The following NBAS variants were observed in gnomAD, a reference collection of about 807,000 sequenced individuals.
NBAS encodes NAG/BC035112 fusion.
Under a neutral mutation model 302.5 loss-of-function variants are expected in NBAS, and 219 were observed. The observed-to-expected ratio is 0.72, with a 90% CI of 0.65 to 0.81. The LOEUF is 0.81. NBAS is among the 30% of genes least tolerant of loss of function. The probability of loss-of-function intolerance (pLI) is 0.00; values close to 1 mark genes in which losing one functional copy is unlikely to be tolerated. For synonymous variants in NBAS, 1,118 were observed against 1,021.6 expected, an observed-to-expected ratio of 1.09 and a Z score of -1.80; for missense variants, 2,932 against 2,841.6, an observed-to-expected ratio of 1.03 and a Z score of -0.72.
Position 15,182,700 on chromosome 2 carries a change from G to T in NBAS, c.6712-3584C>A, listed in dbSNP as rs578016063. ...CTTATTCTACCTATTCCCAAGTCTT[G>T]AGAGGGCTTTATATACTGCCATGGA... On this transcript the variant is annotated intron_variant, in intron 50 of 51. Transcript: ENST00000281513. 3.9e-5 allele frequency among the ~76,000 whole-genome samples: 6 copies of T among 152,258 alleles called. No homozygotes were observed. In the East Asian group the frequency reaches 1.2e-3, roughly 29 times the overall value.
chr2:15,304,853 T>C (rs1025087887), intron 40 of NBAS, among the ~76,000 whole-genome samples: 4 of 152,176 alleles, frequency 2.6e-5, no homozygotes, highest in Non-Finnish European at 4.4e-5. Flanking sequence ...ATCAGTTTTA[T>C]GCATTCACAA....
At chr2:15,228,691 C>T (rs1439738800) in intron 47 of NBAS, among the ~76,000 whole-genome samples, 5 of 152,044 alleles carry the variant, frequency 3.3e-5, no homozygotes, top group Non-Finnish European at 1.5e-5. Context: ...CATGGATGAA[C>T]CTGGAGGACA....
chr2:15,493,832 T>C (rs1325319817), intron 11 of NBAS, among the ~76,000 whole-genome samples: 5 of 145,448 alleles, frequency 3.4e-5, no homozygotes, highest in South Asian at 2.2e-4. Flanking sequence ...ATTTTCTCTT[T>C]TTTTTTTTTT....
At chr2:15,140,729 C>T in the NBAS span, among the ~76,000 whole-genome samples, 1 of 152,180 alleles carries the variant, frequency 6.6e-6, no homozygotes, top group African/African-American at 2.4e-5. Flanking sequence ...GGGGCAGATG[C>T]TTCTACCTTA....
intron 48 of NBAS, among the ~76,000 whole-genome samples, chr2:15,209,328 AC>A (rs900485022): frequency 3.9e-5 from 6 of 152,194 alleles, no homozygotes. Context: ...AAAATCTGGG[AC>A]TGGATAGCTT....
At chr2:15,479,910 G>A (rs1680354734) in intron 12 of NBAS, among the ~76,000 whole-genome samples, 1 of 152,188 alleles carries the variant, frequency 6.6e-6, no homozygotes, top group African/African-American at 2.4e-5. Context: ...TGTCGAATAA[G>A]TAAATCAATC....
intron 25 of NBAS, among the ~76,000 whole-genome samples, chr2:15,413,852 T>C (rs1353310179): frequency 6.6e-6 from 1 of 152,166 alleles, no homozygotes; most frequent in Non-Finnish European, 1.5e-5. Context: ...ACATCACTGT[T>C]CTCTGTTTTG....
Position 15,347,862 on chromosome 2 carries a change from T to C in NBAS, c.4179+4130A>G, listed in dbSNP as rs191258621. On this transcript the variant is annotated intron_variant, in intron 35 of 51. Transcript: ENST00000281513. Reference sequence around the variant, plus strand: ...ATTTTGTTCTATTTATAGACAAACATCCTGTTCACAGGGACAACAGCAATA... The same window carrying C: ...ATTTTGTTCTATTTATAGACAAACACCCTGTTCACAGGGACAACAGCAATA... Among the ~76,000 whole-genome samples the C allele has an allele frequency of 5.3e-4, 80 of 152,356 alleles. 1 individual carries two copies. The highest frequency in any genetic ancestry group is 1.8e-3 in the African/African-American group (76 of 41,602).
chr2:15,422,931 C>A (rs947776948), intron 23 of NBAS, among the ~76,000 whole-genome samples: 1 of 152,122 alleles, frequency 6.6e-6, no homozygotes, highest in Non-Finnish European at 1.5e-5. Context: ...TCTTGTTAGC[C>A]AGAGATAACA....
At chr2:14,913,351 A>G in the NBAS span, among the ~76,000 whole-genome samples, 8 of 152,210 alleles carry the variant, frequency 5.3e-5, no homozygotes, top group Admixed American at 3.9e-4. Context: ...CTCTAGAAGT[A>G]TCTCAAGACA....
rs376175957 is a variant in NBAS, at chr2:15,478,206, T to C, written c.1147+20A>G. ...TAGGAGTATATTAAGGTTTCAATTATCACATTTCGTAGAACTCACCTTTGA... is the reference window on the plus strand; with the variant it reads ...TAGGAGTATATTAAGGTTTCAATTACCACATTTCGTAGAACTCACCTTTGA... On this transcript the variant is annotated intron_variant, in intron 13 of 51. Coordinates refer to ENST00000281513, the MANE Select transcript of NBAS (RefSeq NM_015909.4). 12 of 1,515,312 alleles carry C rather than the reference T, an allele frequency of 7.9e-6. No individual in the cohort carries two copies. The highest frequency in any genetic ancestry group is 1.0e-5 in the Non-Finnish European group (11 of 1,090,384). 93.9% of individuals were successfully genotyped at this position (1,515,312 alleles called of 1,614,324 possible).
chr2:15,502,549 T>C (rs1201603183), intron 11 of NBAS, among the ~76,000 whole-genome samples: 3 of 152,254 alleles, frequency 2.0e-5, no homozygotes, highest in African/African-American at 4.8e-5. Context: ...TACTGAATAC[T>C]GTGGGCAACT....
rs564854079 is a variant in NBAS at position 15,243,677 on chromosome 2, C to T, written c.5725-4991G>A. 1.7e-4 allele frequency among the ~76,000 whole-genome samples: 26 copies of T among 151,978 alleles called. 1 individual carries two copies. The highest frequency in any genetic ancestry group is 3.4e-4 in the Non-Finnish European group (23 of 68,036). On this transcript the variant is annotated intron_variant, in intron 44 of 51. Transcript: ENST00000281513. ...GTGGTAACTTGGGGGGCAGATCATA[C>T]CCCTAATGAACTTGGGAAATGGAAC...
At chr2:14,901,440 T>A in the NBAS span, among the ~76,000 whole-genome samples, 4,067 of 150,464 alleles carry the variant, frequency 0.027, 80 homozygotes, top group Middle Eastern at 0.13. Context: ...CAGGTAATTT[T>A]AAAAAAAAAA....
intron 40 of NBAS, among the ~76,000 whole-genome samples, chr2:15,307,611 T>G (rs962237719): frequency 6.6e-5 from 10 of 152,196 alleles, no homozygotes; most frequent in African/African-American, 2.4e-4. Flanking sequence ...TACAAGTACT[T>G]GGAAGGATTT....
intron 9 of NBAS, among the ~76,000 whole-genome samples, chr2:15,518,144 A>C (rs75077433): frequency 1.3e-5 from 2 of 152,014 alleles, no homozygotes; most frequent in African/African-American, 4.8e-5. Context: ...AAAAAAAAAA[A>C]AACAGTGAAT....
intron 21 of NBAS, among the ~76,000 whole-genome samples, chr2:15,431,070 G>A (rs1677741449): frequency 6.6e-6 from 1 of 151,642 alleles, no homozygotes; most frequent in Non-Finnish European, 1.5e-5. Context: ...GCCTCCCAAA[G>A]TGCTGGGATT....
chr2:15,196,389 T>C (rs1008747463), intron 48 of NBAS, among the ~76,000 whole-genome samples: 3 of 152,220 alleles, frequency 2.0e-5, no homozygotes, highest in African/African-American at 7.2e-5. Context: ...TTGGATATTA[T>C]ACTGTAGTTT....
the NBAS span, among the ~76,000 whole-genome samples, chr2:15,113,262 T>G: frequency 6.6e-6 from 1 of 151,068 alleles, no homozygotes; most frequent in Non-Finnish European, 1.5e-5. Flanking sequence ...TAAATATGGT[T>G]ACATAAGCAC....
Sources: allele counts gnomAD v4.1 joint callset (sites outside exome capture counted in the v4.1 genomes callset), GRCh38; gene constraint gnomAD v4.1.1; transcripts MANE v1.5; gene names NCBI Gene and HGNC (gene_info 2026-07-23, HGNC 2026-07-21).